Variants in DOCK8 observed in about 807,000 individuals in gnomAD.
DOCK8 encodes dedicator of cytokinesis 8, also known as dedicator of cytokinesis protein 8.
Under a neutral mutation model 245.6 loss-of-function variants are expected in DOCK8, and 141 were observed. The observed-to-expected ratio is 0.57, with a 90% CI of 0.50 to 0.66. The LOEUF (loss-of-function observed/expected upper bound fraction) is 0.66, where lower values mean the gene tolerates loss of function less well. Among genes scored for constraint, DOCK8 ranks in the 30% least tolerant of loss-of-function variants. The pLI is 0.00. For synonymous variants in DOCK8, 1,168 were observed against 970.2 expected (o/e 1.20, Z -3.79); for missense variants, 2,965 against 2,603.4 (o/e 1.14, Z -3.02).
At chr9:377,257 G>A (rs770784538) in intron 20 of DOCK8, 46 bp downstream of exon 20, 136 of 1,491,744 alleles carry the variant, frequency 9.1e-5, no homozygotes, top group Middle Eastern at 2.3e-4. Flanking sequence ...GAGCAAGCAA[G>A]CATTGCCTTC....
chr9:385,953 A>G (rs1312866005), intron 22 of DOCK8, among the ~76,000 whole-genome samples: 1 of 152,176 alleles, frequency 6.6e-6, no homozygotes, highest in Non-Finnish European at 1.5e-5. Flanking sequence ...TTGACAATGT[A>G]TTGGTGTTTA....
At chr9:305,549 T>G (rs1293788375) in intron 5 of DOCK8, among the ~76,000 whole-genome samples, 1 of 152,194 alleles carries the variant, frequency 6.6e-6, no homozygotes, top group East Asian at 1.9e-4. Flanking sequence ...CCTCCCAAAG[T>G]GCTGGGATTA....
In DOCK8 at chr9:464,943, T is replaced by C. The variant is rs1048001437; in HGVS notation, c.*724T>C. On this transcript the variant is annotated 3_prime_UTR_variant, in exon 48 of 48. Transcript: ENST00000432829. ...CAGAAATCACAGATACTGCTTTCACTTAAATGGAAACAATTCTCCGATAAT... is the reference window on the plus strand; with the variant it reads ...CAGAAATCACAGATACTGCTTTCACCTAAATGGAAACAATTCTCCGATAAT... 1 of 152,864 alleles carries C rather than the reference T, an allele frequency of 6.5e-6. No homozygotes were observed. Among genetic ancestry groups the C allele is most frequent in the Non-Finnish European group, 1.5e-5 (1 of 68,538 alleles). The allele number at this position is 152,864 out of a possible 1,614,324, so 9.5% of individuals were successfully genotyped here. A position where few individuals can be genotyped will look rare whatever the true frequency, so the allele number is the denominator to read the frequency against.
rs541225556 is a variant in DOCK8, at chr9:458,762, G to C, written c.6069-4755G>C. On this transcript the variant is annotated intron_variant, in intron 46 of 47. Coordinates refer to ENST00000432829, the MANE Select transcript of DOCK8 (RefSeq NM_203447.4). ...GGAGGCAGAGGTTGCAGTGAGCTGAGATCATGCCACTGCCTTCCACCCTGC... is the reference window on the plus strand; with the variant it reads ...GGAGGCAGAGGTTGCAGTGAGCTGACATCATGCCACTGCCTTCCACCCTGC... Among the ~76,000 whole-genome samples the C allele has an allele frequency of 2.0e-5, 3 of 152,278 alleles. No homozygotes were observed. In the South Asian group the frequency reaches 6.2e-4, roughly 32 times the overall value.
chr9:390,405 A>C lies in DOCK8; in HGVS notation c.2875-66A>C. On this transcript the variant is annotated intron_variant, in intron 23 of 47. Transcript: ENST00000432829. ...TAAATTGGGGGGAATAAAAGAAAAG[A>C]AAAAAAGTGTTGGTGAATAATAATA... 5 of 1,449,198 alleles carry C rather than the reference A, an allele frequency of 3.5e-6. No individual in the cohort carries two copies. In the South Asian group the frequency reaches 5.8e-5, roughly 17 times the overall value. The allele number at this position is 1,449,198 out of a possible 1,614,324, so 89.8% of individuals were successfully genotyped here. A position where few individuals can be genotyped will look rare whatever the true frequency, so the allele number is the denominator to read the frequency against.
At chr9:246,229 AT>A (rs2047503155) in intron 1 of DOCK8, among the ~76,000 whole-genome samples, 1 of 151,570 alleles carries the variant, frequency 6.6e-6, no homozygotes, top group South Asian at 2.1e-4. Context: ...GAAAAAAAAA[AT>A]GGGCATCTGG....
chr9:278,865 C>G (rs1174732394), intron 2 of DOCK8, among the ~76,000 whole-genome samples: 1 of 152,178 alleles, frequency 6.6e-6, no homozygotes, highest in African/African-American at 2.4e-5. Flanking sequence ...GGCTCCTACT[C>G]TAAGACAGGA....
At chr9:240,321 T>C (rs684092) in intron 1 of DOCK8, among the ~76,000 whole-genome samples, 65,202 of 151,704 alleles carry the variant, frequency 0.43, 15,084 homozygotes, top group East Asian at 0.79. Flanking sequence ...GTCAGCAAAC[T>C]TAAAGATGTG....
At chr9:411,335 A>G (rs11790693) in intron 28 of DOCK8, among the ~76,000 whole-genome samples, 6,308 of 152,088 alleles carry the variant, frequency 0.041, 199 homozygotes, top group Middle Eastern at 0.071. Context: ...ATCATTTGAG[A>G]CTGGAAGGCA....
At chr9:261,997 G>GCGAAAGAAAGAAAGAA (rs1554648146) in intron 1 of DOCK8, among the ~76,000 whole-genome samples, 2 of 146,734 alleles carry the variant, frequency 1.4e-5, no homozygotes, top group African/African-American at 5.0e-5. Flanking sequence ...AAGAAAGAAG[G>GCGAAAGAAAGAAAGAA]AGAAAGAAAG....
chr9:211,855 T>G (rs2046624772), upstream of DOCK8, among the ~76,000 whole-genome samples: 1 of 152,162 alleles, frequency 6.6e-6, no homozygotes, highest in Non-Finnish European at 1.5e-5. Flanking sequence ...TCCAAAGTTT[T>G]AAACCTGGAA....
chr9:254,260 A>G (rs1474723469), intron 1 of DOCK8, among the ~76,000 whole-genome samples: 2 of 152,302 alleles, frequency 1.3e-5, no homozygotes, highest in East Asian at 3.9e-4. Context: ...ACAGATTAAG[A>G]TTTCTGAAAA....
At chr9:344,686 A>G (rs1249048936) in intron 14 of DOCK8, among the ~76,000 whole-genome samples, 1 of 152,148 alleles carries the variant, frequency 6.6e-6, no homozygotes, top group Non-Finnish European at 1.5e-5. Flanking sequence ...TTTTCAAGCA[A>G]CGATCTCTAA....
rs755109956 is a variant in DOCK8, at chr9:434,006, C to G, written c.4886+31C>G. 2.7e-6 allele frequency: 4 copies of G among 1,500,978 alleles called. No individual in the cohort carries two copies. In the African/African-American group the frequency reaches 5.5e-5, roughly 21 times the overall value. The allele number at this position is 1,500,978 out of a possible 1,614,324, so 93.0% of individuals were successfully genotyped here. A position where few individuals can be genotyped will look rare whatever the true frequency, so the allele number is the denominator to read the frequency against. ...CTTTCCTGACACACTCAAGGGACACCATTTGGGGGTCGAGGATTTGTCACT... is the reference window on the plus strand; with the variant it reads ...CTTTCCTGACACACTCAAGGGACACGATTTGGGGGTCGAGGATTTGTCACT... On this transcript the variant is annotated intron_variant, in intron 38 of 47. Coordinates refer to ENST00000432829, the MANE Select transcript of DOCK8 (RefSeq NM_203447.4).
chr9:333,805 G>A (rs987796524), intron 10 of DOCK8, among the ~76,000 whole-genome samples: 1 of 151,852 alleles, frequency 6.6e-6, no homozygotes, highest in Non-Finnish European at 1.5e-5. Context: ...GAATTTTTTG[G>A]AGTTTTCCAA....
chr9:427,503 C>G (rs1462287801), intron 34 of DOCK8, among the ~76,000 whole-genome samples: 1 of 152,148 alleles, frequency 6.6e-6, no homozygotes, highest in East Asian at 1.9e-4. Flanking sequence ...AAAAATATAG[C>G]TTTGTGAACT....
chr9:212,517 G>A (rs2046636447), upstream of DOCK8, among the ~76,000 whole-genome samples: 1 of 152,234 alleles, frequency 6.6e-6, no homozygotes, highest in African/African-American at 2.4e-5. Context: ...AAAGGCACTT[G>A]GATGGCTATT....
intron 1 of DOCK8, among the ~76,000 whole-genome samples, chr9:227,122 T>C (rs907760202): frequency 6.6e-6 from 1 of 152,152 alleles, no homozygotes; most frequent in Non-Finnish European, 1.5e-5. Context: ...TATGAGTGTA[T>C]GTATGCATGC....
intron 39 of DOCK8, among the ~76,000 whole-genome samples, chr9:438,979 G>A (rs2056995226): frequency 6.6e-6 from 1 of 152,210 alleles, no homozygotes; most frequent in South Asian, 2.1e-4. Flanking sequence ...TAACTCAGCT[G>A]TTGTGACATT....
Sources: allele counts gnomAD v4.1 joint callset (sites outside exome capture counted in the v4.1 genomes callset), GRCh38; gene constraint gnomAD v4.1.1; transcripts MANE v1.5; gene names NCBI Gene and HGNC (gene_info 2026-07-23, HGNC 2026-07-21).